The following RHBDD1 variants were observed in gnomAD, a reference collection of about 807,000 sequenced individuals.
The protein encoded by RHBDD1 is rhomboid-related protein 4.
RHBDD1 carries 38 observed loss-of-function variants against 36.3 expected under a neutral mutation model. The ratio of observed to expected loss-of-function variants is 1.05; its 90% CI spans 0.81 to 1.37. RHBDD1 has a LOEUF of 1.37. Ranked by LOEUF, RHBDD1 falls within the 40% of genes most tolerant of loss-of-function variation. RHBDD1 has a pLI of 0.00. For synonymous variants in RHBDD1, 151 were observed against 136.5 expected (o/e 1.11, Z -0.74); for missense variants, 393 against 377.6 (o/e 1.04, Z -0.34).
At chr2:226,969,394 C>CTTTTTTTTT (rs77924848) in intron 8 of RHBDD1, among the ~76,000 whole-genome samples, 3 of 115,526 alleles carry the variant, frequency 2.6e-5, no homozygotes, top group Non-Finnish European at 3.4e-5. Flanking sequence ...ACAGCTCAGC[C>CTTTTTTTTT]TTTTTTTTTT....
chr2:226,810,750 T>C, the RHBDD1 span, among the ~76,000 whole-genome samples: 2 of 151,934 alleles, frequency 1.3e-5, no homozygotes, highest in South Asian at 4.2e-4. Context: ...CGTGGATAAA[T>C]GGATCCATGC....
the RHBDD1 span, among the ~76,000 whole-genome samples, chr2:226,802,910 A>G: frequency 6.6e-6 from 1 of 152,244 alleles, no homozygotes; most frequent in Non-Finnish European, 1.5e-5. Context: ...TGGTTTATGT[A>G]TGATACTATC....
At chr2:226,938,545 A>T (rs76485452) in intron 8 of RHBDD1, among the ~76,000 whole-genome samples, 10 of 152,262 alleles carry the variant, frequency 6.6e-5, no homozygotes, top group African/African-American at 2.4e-4. Context: ...AAATTCATGT[A>T]CATACACCCT....
At chr2:226,887,446 C>T (rs184908293) in intron 5 of RHBDD1, among the ~76,000 whole-genome samples, 1 of 152,224 alleles carries the variant, frequency 6.6e-6, no homozygotes, top group Non-Finnish European at 1.5e-5. Context: ...TGACATTGAA[C>T]AGATTTTGAT....
At position 226,995,733 on chromosome 2, in the gene RHBDD1, G is replaced by A. The variant is rs986447723; in HGVS notation, c.*211G>A. ...TGGGCCTTCTCCTGGCCTTGTTCTT[G>A]CTCATAAACAGGTCACTTCCTCCAT... On this transcript the variant is annotated 3_prime_UTR_variant, in exon 9 of 9. Transcript: ENST00000392062. 1.2e-5 allele frequency: 7 copies of A among 573,630 alleles called. No individual in the cohort carries two copies. The highest frequency in any genetic ancestry group is 2.2e-5 in the Non-Finnish European group (7 of 324,100). 35.5% of individuals were successfully genotyped at this position (573,630 alleles called of 1,614,324 possible).
chr2:226,873,282 C>T (rs1193706829), intron 5 of RHBDD1, among the ~76,000 whole-genome samples: 1 of 152,158 alleles, frequency 6.6e-6, no homozygotes, highest in Non-Finnish European at 1.5e-5. Flanking sequence ...GAACCCAAAC[C>T]AAATGTATCC....
chr2:226,802,620 G>A, the RHBDD1 span, among the ~76,000 whole-genome samples: 5 of 152,184 alleles, frequency 3.3e-5, no homozygotes, highest in East Asian at 1.9e-4. Flanking sequence ...GAAATACACT[G>A]TATGAAAAAT....
At chr2:226,881,525 T>C (rs146748987) in intron 5 of RHBDD1, among the ~76,000 whole-genome samples, 1 of 152,366 alleles carries the variant, frequency 6.6e-6, no homozygotes, top group East Asian at 1.9e-4. Flanking sequence ...ATCATTCAGA[T>C]TATAAGTGAG....
chr2:226,833,437 C>A (rs138782390), upstream of RHBDD1, among the ~76,000 whole-genome samples: 219 of 152,288 alleles, frequency 1.4e-3, 1 homozygote, highest in African/African-American at 4.8e-3. Context: ...TCCTGCCAGT[C>A]CTGGATTTGT....
intron 8 of RHBDD1, among the ~76,000 whole-genome samples, chr2:226,968,357 G>A (rs901038621): frequency 2.0e-5 from 3 of 152,204 alleles, no homozygotes; most frequent in Non-Finnish European, 2.9e-5. Flanking sequence ...GTCAGGAAGG[G>A]TGAGCAGGAA....
At chr2:226,899,252 C>T (rs780753793) in intron 5 of RHBDD1, among the ~76,000 whole-genome samples, 1 of 152,126 alleles carries the variant, frequency 6.6e-6, no homozygotes, top group Non-Finnish European at 1.5e-5. Flanking sequence ...TAATAATATT[C>T]GTATTTAGTT....
At chr2:226,842,682 A>T (rs1437408584) in intron 3 of RHBDD1, among the ~76,000 whole-genome samples, 3 of 152,148 alleles carry the variant, frequency 2.0e-5, no homozygotes, top group African/African-American at 7.2e-5. Flanking sequence ...TGTTTTCGTT[A>T]CTGTAGCCTT....
At position 226,838,144 on chromosome 2, in the gene RHBDD1, A is replaced by G. The variant is rs1337603836; in HGVS notation, c.-320A>G. On this transcript the variant is annotated 5_prime_UTR_variant, in exon 2 of 9. The change abolishes an upstream ATG in the 5' untranslated region. Transcript: ENST00000392062. Reference sequence around the variant, plus strand: ...TGCTCTAAAGGCTACATTCACTGCAATGTTGAGAAGGTCAGTGCCAAACCG... The same window carrying G: ...TGCTCTAAAGGCTACATTCACTGCAGTGTTGAGAAGGTCAGTGCCAAACCG... 5 of 152,196 alleles carry G rather than the reference A, an allele frequency of 3.3e-5. No individual in the cohort carries two copies. Among genetic ancestry groups the G allele is most frequent in the East Asian group, 1.9e-4 (1 of 5,196 alleles). The allele number at this position is 152,196 out of a possible 1,614,324, so 9.4% of individuals were successfully genotyped here.
At chr2:226,890,219 G>A (rs7576216) in intron 5 of RHBDD1, among the ~76,000 whole-genome samples, 2,415 of 152,306 alleles carry the variant, frequency 0.016, 59 homozygotes, top group African/African-American at 0.055. Context: ...CCTAATAAGT[G>A]AGTACTTAAA....
chr2:226,927,448 G>A (rs13407609), intron 8 of RHBDD1, among the ~76,000 whole-genome samples: 2,506 of 151,882 alleles, frequency 0.016, 71 homozygotes, highest in African/African-American at 0.058. Flanking sequence ...TTTACGTACC[G>A]GAATTTGTGT....
At chr2:226,991,025 G>A (rs74797149) in intron 8 of RHBDD1, among the ~76,000 whole-genome samples, 2,298 of 152,286 alleles carry the variant, frequency 0.015, 47 homozygotes, top group African/African-American at 0.053. Context: ...TGACAAAAGC[G>A]TGCTGCTTAA....
intron 3 of RHBDD1, among the ~76,000 whole-genome samples, chr2:226,856,451 T>G (rs1480013443): frequency 6.6e-6 from 1 of 152,186 alleles, no homozygotes; most frequent in Non-Finnish European, 1.5e-5. Context: ...AAAATTATGC[T>G]AAGAAGTTTT....
At chr2:226,839,029 C>T (rs1207034905) in intron 2 of RHBDD1, among the ~76,000 whole-genome samples, 1 of 152,074 alleles carries the variant, frequency 6.6e-6, no homozygotes, top group African/African-American at 2.4e-5. Context: ...ATGCTGTTAG[C>T]CCTGAAATTG....
chr2:226,855,209 A>C (rs1158030004), intron 3 of RHBDD1, among the ~76,000 whole-genome samples: 1 of 152,228 alleles, frequency 6.6e-6, no homozygotes, highest in African/African-American at 2.4e-5. Context: ...TTTATGTCTT[A>C]AGAACTCTAG....
Sources: gnomAD v4.1 joint callset for allele counts (sites outside exome capture counted in the v4.1 genomes callset) on GRCh38, gnomAD v4.1.1 for gene constraint, MANE v1.5 for transcripts, NCBI Gene and HGNC (gene_info 2026-07-23, HGNC 2026-07-21) for gene names.